The following SERPINI1 variants were observed in gnomAD, a reference collection of about 807,000 sequenced individuals.
SERPINI1 encodes the protein serpin family I member 1.
Under a neutral mutation model 41.1 loss-of-function variants are expected in SERPINI1, and 19 were observed. That is an observed-to-expected ratio of 0.46 (90% CI 0.32 to 0.68). The LOEUF is 0.68. SERPINI1 is among the 30% of genes least tolerant of loss of function. SERPINI1 has a pLI of 0.03. For synonymous variants in SERPINI1, 138 were observed against 156.6 expected (o/e 0.88, Z 0.89); for missense variants, 460 against 479.2 (o/e 0.96, Z 0.37).
At chr3:167,804,350 A>G (rs1711547212) in intron 5 of SERPINI1, among the ~76,000 whole-genome samples, 1 of 152,170 alleles carries the variant, frequency 6.6e-6, no homozygotes, top group South Asian at 2.1e-4. Flanking sequence ...GACATTAGAA[A>G]TGATGCTAAT....
chr3:167,795,077 C>G (rs527303671), intron 5 of SERPINI1, among the ~76,000 whole-genome samples: 23 of 152,008 alleles, frequency 1.5e-4, no homozygotes, highest in Non-Finnish European at 3.2e-4. Flanking sequence ...TTGGTTCATT[C>G]GGTGCTATTC....
At position 167,759,400 on chromosome 3, in the gene SERPINI1, G is replaced by A. The variant is rs867198142; in HGVS notation, c.-19+23577G>A. ...ATCAACATTGGATAAAGAAAATGTGGTATATATATATATATATATATGCGC... is the reference window on the plus strand; with the variant it reads ...ATCAACATTGGATAAAGAAAATGTGATATATATATATATATATATATGCGC... On this transcript the variant is annotated intron_variant, in intron 1 of 8. Transcript: ENST00000446050. Among the ~76,000 whole-genome samples the A allele has an allele frequency of 6.0e-4, 73 of 121,126 alleles. 1 individual carries two copies. In the Middle Eastern group the frequency reaches 0.012, roughly 20 times the overall value. 79.5% of individuals were successfully genotyped at this position (121,126 alleles called of 152,430 possible).
intron 1 of SERPINI1, among the ~76,000 whole-genome samples, chr3:167,749,568 CT>C (rs1393749197): frequency 6.6e-6 from 1 of 152,110 alleles, no homozygotes; most frequent in Non-Finnish European, 1.5e-5. Flanking sequence ...GTTCTCTTTT[CT>C]TCTTTTTAGA....
At chr3:167,799,957 G>A (rs918049851) in intron 5 of SERPINI1, 4 of 152,112 alleles carry the variant, frequency 2.6e-5, no homozygotes, top group African/African-American at 7.2e-5. Flanking sequence ...ATAAAATGCT[G>A]TCTTTAAGAG....
chr3:167,741,844 A>G (rs1010200108), intron 1 of SERPINI1, among the ~76,000 whole-genome samples: 1 of 152,248 alleles, frequency 6.6e-6, no homozygotes, highest in Non-Finnish European at 1.5e-5. Flanking sequence ...GTCCTTTGAC[A>G]TACAATACCA....
In SERPINI1 at chr3:167,794,659, A is replaced by G; in HGVS notation, c.716A>G (p.Tyr239Cys). The change falls in exon 5 of 9, where the codon TAC (tyrosine) becomes TGC (cysteine). Residue 239 changes from tyrosine (Y) to cysteine (C), a missense_variant. Coordinates refer to ENST00000446050, the MANE Select transcript of SERPINI1 (RefSeq NM_001122752.2). ...SDGSNEAGGI[Y>C]QVLEIPYEGD... The stretch of plus-strand genomic sequence containing the variant: ...GGCTCCAATGAAGCTGGTGGTATCT[A>G]CCAAGTCCTAGAAATACCATATGAA... 1.2e-6 allele frequency: 2 copies of G among 1,613,546 alleles called. No homozygotes were observed. The highest frequency in any genetic ancestry group is 1.7e-6 in the Non-Finnish European group (2 of 1,179,772).
intron 1 of SERPINI1, among the ~76,000 whole-genome samples, chr3:167,738,830 A>C (rs1377918788): frequency 1.3e-5 from 2 of 151,166 alleles, no homozygotes; most frequent in African/African-American, 4.8e-5. Context: ...TTTAACTGGA[A>C]TCAAACTGGT....
At chr3:167,750,458 A>G (rs925038858) in intron 1 of SERPINI1, among the ~76,000 whole-genome samples, 1 of 152,228 alleles carries the variant, frequency 6.6e-6, no homozygotes, top group African/African-American at 2.4e-5. Flanking sequence ...TGGGTTTGCC[A>G]TCACGTGTTC....
chr3:167,822,767 A>G (rs1239242803), intron 6 of SERPINI1, among the ~76,000 whole-genome samples: 1 of 152,136 alleles, frequency 6.6e-6, no homozygotes, highest in Non-Finnish European at 1.5e-5. Flanking sequence ...AAAACCACCA[A>G]TAAAAACAGA....
chr3:167,803,327 G>A (rs914692833), intron 5 of SERPINI1, among the ~76,000 whole-genome samples: 29 of 149,380 alleles, frequency 1.9e-4, no homozygotes, highest in African/African-American at 6.7e-4. Flanking sequence ...CAATAGATTT[G>A]GCTGATTTAC....
At chr3:167,823,304 C>T (rs1712403910) in intron 7 of SERPINI1, among the ~76,000 whole-genome samples, 1 of 152,204 alleles carries the variant, frequency 6.6e-6, no homozygotes, top group Admixed American at 6.5e-5. Flanking sequence ...TAATGAGAGA[C>T]AGGAGGACAT....
At chr3:167,803,026 A>G (rs1266284522) in intron 5 of SERPINI1, among the ~76,000 whole-genome samples, 3 of 152,082 alleles carry the variant, frequency 2.0e-5, no homozygotes, top group East Asian at 1.9e-4. Flanking sequence ...CTATCGCAAG[A>G]TGAAAAAACC....
intron 1 of SERPINI1, among the ~76,000 whole-genome samples, chr3:167,780,303 A>G (rs1202566334): frequency 6.6e-6 from 1 of 152,150 alleles, no homozygotes; most frequent in Non-Finnish European, 1.5e-5. Flanking sequence ...TATTTTCTAC[A>G]TAATCCACCC....
chr3:167,769,715 A>T (rs1195026339), intron 1 of SERPINI1, among the ~76,000 whole-genome samples: 2 of 152,120 alleles, frequency 1.3e-5, no homozygotes, highest in African/African-American at 2.4e-5. Context: ...TAATATTTTT[A>T]TCAGTCTGTT....
intron 4 of SERPINI1, among the ~76,000 whole-genome samples, chr3:167,793,596 A>T (rs57033026): frequency 0.068 from 9,570 of 140,562 alleles, 852 homozygotes; most frequent in African/African-American, 0.19. Context: ...ATATATATAT[A>T]TTTTTAATTA....
intron 6 of SERPINI1, among the ~76,000 whole-genome samples, chr3:167,813,567 T>C (rs1711965979): frequency 6.6e-6 from 1 of 152,118 alleles, no homozygotes; most frequent in African/African-American, 2.4e-5. Context: ...AAGAGCAAGT[T>C]GAAAGGTCGA....
chr3:167,819,195 A>T (rs1712227884), intron 6 of SERPINI1, among the ~76,000 whole-genome samples: 2 of 152,116 alleles, frequency 1.3e-5, no homozygotes, highest in Non-Finnish European at 2.9e-5. Context: ...TTTATTTTAC[A>T]TAGAGATGAA....
intron 1 of SERPINI1, among the ~76,000 whole-genome samples, chr3:167,786,425 G>A (rs1324411735): frequency 2.7e-5 from 4 of 148,420 alleles, no homozygotes; most frequent in East Asian, 4.0e-4. Context: ...GGAGAAAGGC[G>A]TGAACCCGGG....
At chr3:167,755,368 G>A (rs1290374172) in intron 1 of SERPINI1, among the ~76,000 whole-genome samples, 2 of 152,194 alleles carry the variant, frequency 1.3e-5, no homozygotes, top group Admixed American at 6.5e-5. Flanking sequence ...GTAGGCAAGT[G>A]ACCAAGGATA....
Sources: gnomAD v4.1 joint callset for allele counts (sites outside exome capture counted in the v4.1 genomes callset) on GRCh38, gnomAD v4.1.1 for gene constraint, MANE v1.5 for transcripts, NCBI Gene and HGNC (gene_info 2026-07-23, HGNC 2026-07-21) for gene names.